Variants in CNTNAP2 observed in about 807,000 individuals in gnomAD.
CNTNAP2 encodes the protein contactin associated protein 2.
In CNTNAP2, 98 loss-of-function variants were observed where a neutral mutation model predicts 155.2. That is an observed-to-expected ratio of 0.63 (90% CI 0.54 to 0.75). The LOEUF is 0.75. Among genes scored for constraint, CNTNAP2 ranks in the 30% least tolerant of loss-of-function variants. CNTNAP2 has a pLI of 0.00. For synonymous variants in CNTNAP2, 651 were observed against 631.2 expected (o/e 1.03, Z -0.47); for missense variants, 1,727 against 1,688.1 (o/e 1.02, Z -0.40).
chr7:147,954,213 A>G (rs1800983329), intron 14 of CNTNAP2, among the ~76,000 whole-genome samples: 1 of 152,126 alleles, frequency 6.6e-6, no homozygotes, highest in Non-Finnish European at 1.5e-5. Context: ...ATCATGCAAC[A>G]TAACTTTTTT....
chr7:147,492,297 C>T (rs6967847), intron 11 of CNTNAP2, among the ~76,000 whole-genome samples: 2,999 of 152,242 alleles, frequency 0.02, 109 homozygotes, highest in African/African-American at 0.069. Flanking sequence ...TGACAGAAGA[C>T]GGAGCTCAGG....
chr7:146,637,225 C>T (rs1799613966), intron 1 of CNTNAP2, among the ~76,000 whole-genome samples: 2 of 152,048 alleles, frequency 1.3e-5, no homozygotes, highest in East Asian at 1.9e-4. Flanking sequence ...TATTGGGACA[C>T]CTTGTAAAAT....
intron 1 of CNTNAP2, among the ~76,000 whole-genome samples, chr7:146,722,476 G>T (rs893032066): frequency 6.6e-6 from 1 of 152,126 alleles, no homozygotes; most frequent in African/African-American, 2.4e-5. Context: ...CAAAGTTTTA[G>T]AAGTAGCAGC....
chr7:146,350,501 AT>A (rs1232572506), intron 1 of CNTNAP2, among the ~76,000 whole-genome samples: 1 of 152,020 alleles, frequency 6.6e-6, no homozygotes, highest in Non-Finnish European at 1.5e-5. Context: ...ACCAGTTAGA[AT>A]GGCAATCATT....
chr7:147,024,550 G>A (rs1288905547), intron 3 of CNTNAP2, among the ~76,000 whole-genome samples: 1 of 152,108 alleles, frequency 6.6e-6, no homozygotes, highest in African/African-American at 2.4e-5. Flanking sequence ...AAGAAAAGAG[G>A]CTTAATTGGC....
At chr7:147,820,290 T>C (rs1213202445) in intron 13 of CNTNAP2, among the ~76,000 whole-genome samples, 1 of 152,232 alleles carries the variant, frequency 6.6e-6, no homozygotes, top group Admixed American at 6.5e-5. Flanking sequence ...TTATTGGTTA[T>C]TGCATGTCTT....
At chr7:146,821,178 T>C (rs1334830746) in intron 2 of CNTNAP2, among the ~76,000 whole-genome samples, 1 of 152,134 alleles carries the variant, frequency 6.6e-6, no homozygotes, top group Admixed American at 6.5e-5. Context: ...AAAGTTAATA[T>C]TGTTATGTGT....
chr7:147,588,585 C>CT (rs755720648), intron 12 of CNTNAP2, among the ~76,000 whole-genome samples: 2 of 152,002 alleles, frequency 1.3e-5, no homozygotes, highest in African/African-American at 2.4e-5. Flanking sequence ...CTGTAAATTG[C>CT]TTTTTTCTCT....
At chr7:147,283,441 C>T (rs1020357660) in intron 8 of CNTNAP2, among the ~76,000 whole-genome samples, 1 of 151,732 alleles carries the variant, frequency 6.6e-6, no homozygotes, top group Admixed American at 6.6e-5. Flanking sequence ...GGATGCTCAT[C>T]TAGCAACCAA....
At chr7:146,537,345 T>C (rs1300476412) in intron 1 of CNTNAP2, among the ~76,000 whole-genome samples, 5 of 152,134 alleles carry the variant, frequency 3.3e-5, no homozygotes, top group African/African-American at 1.2e-4. Context: ...TTTAAAACAT[T>C]AAAATACCTA....
At chr7:147,372,625 T>C (rs1796365934) in intron 9 of CNTNAP2, among the ~76,000 whole-genome samples, 1 of 152,172 alleles carries the variant, frequency 6.6e-6, no homozygotes, top group Non-Finnish European at 1.5e-5. Flanking sequence ...CATTATAACA[T>C]TTATTCTGCA....
At chr7:146,843,053 C>T (rs13240733) in intron 3 of CNTNAP2, among the ~76,000 whole-genome samples, 1 of 95,230 alleles carries the variant, frequency 1.1e-5, no homozygotes, top group East Asian at 3.3e-4. Flanking sequence ...TCGCCCAGGC[C>T]GGACTGCGGA....
chr7:146,247,833 G>T (rs1799687407), intron 1 of CNTNAP2, among the ~76,000 whole-genome samples: 1 of 152,166 alleles, frequency 6.6e-6, no homozygotes, highest in South Asian at 2.1e-4. Context: ...AGGGTGGATG[G>T]TTGCCCATAG....
At chr7:146,922,624 A>G (rs1796527759) in intron 3 of CNTNAP2, among the ~76,000 whole-genome samples, 1 of 152,212 alleles carries the variant, frequency 6.6e-6, no homozygotes, top group Admixed American at 6.5e-5. Flanking sequence ...TGAGAATTCT[A>G]AAGTTAGAAA....
chr7:147,823,777 A>G (rs1798400494), intron 13 of CNTNAP2, among the ~76,000 whole-genome samples: 1 of 152,200 alleles, frequency 6.6e-6, no homozygotes. Flanking sequence ...ATGGCTTAAA[A>G]CAAAGAAAAT....
chr7:146,494,482 A>G (rs1329257917), intron 1 of CNTNAP2, among the ~76,000 whole-genome samples: 2 of 152,202 alleles, frequency 1.3e-5, no homozygotes, highest in Non-Finnish European at 2.9e-5. Context: ...AAAGAATATT[A>G]TCTTTAAAAT....
intron 1 of CNTNAP2, among the ~76,000 whole-genome samples, chr7:146,396,346 A>C (rs1795626684): frequency 6.6e-6 from 1 of 152,068 alleles, no homozygotes; most frequent in African/African-American, 2.4e-5. Context: ...ATCATATGAT[A>C]TTTTAAAATA....
intron 1 of CNTNAP2, among the ~76,000 whole-genome samples, chr7:146,356,519 A>G (rs1258186043): frequency 6.6e-6 from 1 of 152,206 alleles, no homozygotes; most frequent in African/African-American, 2.4e-5. Flanking sequence ...TGACATGAGA[A>G]CAAGACAGTG....
chr7:147,622,001 A>T (rs1794867241), intron 12 of CNTNAP2, among the ~76,000 whole-genome samples: 1 of 152,074 alleles, frequency 6.6e-6, no homozygotes, highest in African/African-American at 2.4e-5. Context: ...ATAACAGACA[A>T]ATTAGATTTC....
Sources: allele counts gnomAD v4.1 joint callset (sites outside exome capture counted in the v4.1 genomes callset), GRCh38; gene constraint gnomAD v4.1.1; transcripts MANE v1.5; gene names NCBI Gene and HGNC (gene_info 2026-07-23, HGNC 2026-07-21).